Variants in HS3ST2 observed in about 807,000 individuals in gnomAD.
HS3ST2 encodes heparan sulfate-glucosamine 3-sulfotransferase 2.
A neutral mutation model predicts 26.3 loss-of-function variants in HS3ST2; 17 were observed. The ratio of observed to expected loss-of-function variants is 0.65; its 90% CI spans 0.44 to 0.97. The LOEUF (loss-of-function observed/expected upper bound fraction) is 0.97, where lower values mean the gene tolerates loss of function less well. HS3ST2 is among the 50% of genes least tolerant of loss of function. The probability of loss-of-function intolerance (pLI) is 0.00; values close to 1 mark genes in which losing one functional copy is unlikely to be tolerated. For missense variants in HS3ST2, 402 were observed against 501.2 expected, an observed-to-expected ratio of 0.80 and a Z score of 1.89; for synonymous variants, 237 against 219.2, an observed-to-expected ratio of 1.08 and a Z score of -0.72.
intron 1 of HS3ST2, among the ~76,000 whole-genome samples, chr16:22,827,694 A>ATTTC (rs1398166376): frequency 5.3e-5 from 7 of 132,232 alleles, no homozygotes; most frequent in Admixed American, 1.5e-4. Flanking sequence ...ATGTGATAGT[A>ATTTC]TTTCTTTCTT....
chr16:22,880,028 G>A (rs1281702711), intron 1 of HS3ST2, among the ~76,000 whole-genome samples: 1 of 152,180 alleles, frequency 6.6e-6, no homozygotes, highest in East Asian at 1.9e-4. Context: ...TGGGACTATT[G>A]AAGAACATTC....
chr16:22,815,196 T>C (rs1050717889), intron 1 of HS3ST2, 101 bp downstream of exon 1: 10 of 1,461,122 alleles, frequency 6.8e-6, no homozygotes, highest in Non-Finnish European at 9.3e-6. Flanking sequence ...ACCCAACTCA[T>C]TGTATGGGTT....
intron 1 of HS3ST2, among the ~76,000 whole-genome samples, chr16:22,845,106 G>A (rs188728755): frequency 1.5e-4 from 22 of 147,840 alleles, no homozygotes; most frequent in Admixed American, 1.1e-3. Flanking sequence ...CGCCTGCCTC[G>A]GCCTCCCAAA....
At chr16:22,879,376 G>C (rs2141196263) in intron 1 of HS3ST2, among the ~76,000 whole-genome samples, 1 of 152,310 alleles carries the variant, frequency 6.6e-6, no homozygotes, top group African/African-American at 2.4e-5. Context: ...CCTGCCTTCG[G>C]AACTGTTACT....
At chr16:22,845,910 A>G (rs758849770) in intron 1 of HS3ST2, among the ~76,000 whole-genome samples, 21 of 152,198 alleles carry the variant, frequency 1.4e-4, no homozygotes, top group Non-Finnish European at 2.5e-4. Flanking sequence ...CAAGATGGGA[A>G]GACAGGAGTT....
rs11639723 is a variant in HS3ST2 at position 22,840,963 on chromosome 16, C to G, written c.485+25868C>G. ...ATATCTCCTAATGCTATTCCTCCCC[C>G]CTCCCCCCACCCCACAACAGGCCCC... On this transcript the variant is annotated intron_variant, in intron 1 of 1. Transcript: ENST00000261374. 1.1e-4 allele frequency among the ~76,000 whole-genome samples: 14 copies of G among 126,132 alleles called. No homozygotes were observed. The East Asian group carries it at 1.4e-3, about 13-fold the overall frequency. 82.7% of individuals were successfully genotyped at this position (126,132 alleles called of 152,430 possible). A position where few individuals can be genotyped will look rare whatever the true frequency, so the allele number is the denominator to read the frequency against.
intron 1 of HS3ST2, among the ~76,000 whole-genome samples, chr16:22,888,543 C>T (rs1408993828): frequency 1.3e-5 from 2 of 152,114 alleles, no homozygotes; most frequent in African/African-American, 4.8e-5. Context: ...TGTGTCACCA[C>T]ACCTGGTTAA....
At position 22,856,296 on chromosome 16, in the gene HS3ST2, G is replaced by A. The variant is rs73543192; in HGVS notation, c.485+41201G>A. ...CAGACGGAAGAAGGGTTTTGAGGAA[G>A]GGACACATTTTGCTAATCATGTAAA... On this transcript the variant is annotated intron_variant, in intron 1 of 1. Coordinates refer to ENST00000261374, the MANE Select transcript of HS3ST2 (RefSeq NM_006043.2). 5.0e-3 allele frequency among the ~76,000 whole-genome samples: 765 copies of A among 152,280 alleles called. 10 individuals carry two copies. Among genetic ancestry groups the A allele is most frequent in the African/African-American group, 0.018 (737 of 41,552 alleles).
chr16:22,822,920 G>C (rs552886018), intron 1 of HS3ST2, among the ~76,000 whole-genome samples: 1 of 151,686 alleles, frequency 6.6e-6, no homozygotes, highest in Non-Finnish European at 1.5e-5. Flanking sequence ...AAGTGACAAA[G>C]GGTATTCAGA....
At chr16:22,828,754 A>G (rs1596605958) in intron 1 of HS3ST2, among the ~76,000 whole-genome samples, 1 of 152,206 alleles carries the variant, frequency 6.6e-6, no homozygotes, top group East Asian at 1.9e-4. Flanking sequence ...TGAATTATTA[A>G]TTCTGTGAAA....
chr16:22,834,979 G>A (rs1343617272), intron 1 of HS3ST2, among the ~76,000 whole-genome samples: 1 of 152,088 alleles, frequency 6.6e-6, no homozygotes, highest in African/African-American at 2.4e-5. Context: ...AAAAGAGGAT[G>A]TTTAATGATT....
chr16:22,911,924 C>T (rs75452589), intron 1 of HS3ST2, among the ~76,000 whole-genome samples: 5,002 of 152,202 alleles, frequency 0.033, 164 homozygotes, highest in East Asian at 0.17. Flanking sequence ...GAGTTCAAGA[C>T]CAGCCTAGGC....
intron 1 of HS3ST2, among the ~76,000 whole-genome samples, chr16:22,888,790 G>A (rs1057232262): frequency 6.6e-6 from 1 of 152,194 alleles, no homozygotes; most frequent in African/African-American, 2.4e-5. Context: ...TAGTTTGGAT[G>A]TAGATTTAAC....
intron 1 of HS3ST2, among the ~76,000 whole-genome samples, chr16:22,879,651 G>C (rs1351772677): frequency 6.6e-6 from 1 of 152,188 alleles, no homozygotes; most frequent in East Asian, 1.9e-4. Context: ...GAGCTAATGA[G>C]CTGAGTTCCT....
chr16:22,833,677 G>C (rs1484196171), intron 1 of HS3ST2, among the ~76,000 whole-genome samples: 1 of 152,128 alleles, frequency 6.6e-6, no homozygotes, highest in Non-Finnish European at 1.5e-5. Flanking sequence ...GTCAGTTTTA[G>C]TTATTTATAT....
At chr16:22,830,297 A>G (rs1901150189) in intron 1 of HS3ST2, among the ~76,000 whole-genome samples, 1 of 152,190 alleles carries the variant, frequency 6.6e-6, no homozygotes, top group Non-Finnish European at 1.5e-5. Context: ...TTCTTGTTTT[A>G]GAGATCCGCT....
intron 1 of HS3ST2, among the ~76,000 whole-genome samples, chr16:22,880,201 T>C (rs1244359827): frequency 6.6e-6 from 1 of 152,126 alleles, no homozygotes; most frequent in Non-Finnish European, 1.5e-5. Context: ...GGAAGATCAC[T>C]TGAGTCCAGT....
intron 1 of HS3ST2, among the ~76,000 whole-genome samples, chr16:22,816,787 G>A (rs1250346782): frequency 3.3e-5 from 5 of 152,242 alleles, no homozygotes; most frequent in Non-Finnish European, 7.3e-5. Context: ...GACCACATTC[G>A]AATGCAGGCC....
chr16:22,868,094 A>G (rs1901781772), intron 1 of HS3ST2, among the ~76,000 whole-genome samples: 1 of 152,178 alleles, frequency 6.6e-6, no homozygotes, highest in South Asian at 2.1e-4. Context: ...ACACAGACAT[A>G]CAAATAAGAA....
Sources: gnomAD v4.1 joint callset for allele counts (sites outside exome capture counted in the v4.1 genomes callset) on GRCh38, gnomAD v4.1.1 for gene constraint, MANE v1.5 for transcripts, NCBI Gene and HGNC (gene_info 2026-07-23, HGNC 2026-07-21) for gene names.